The following NXF1 variants were observed in gnomAD, a reference collection of about 807,000 sequenced individuals.
The protein encoded by NXF1 is mRNA export factor TAP.
In NXF1, 43 loss-of-function variants were observed where a neutral mutation model predicts 92.4. The observed-to-expected ratio is 0.47, with a 90% confidence interval of 0.36 to 0.60. The LOEUF (loss-of-function observed/expected upper bound fraction) is 0.60, where lower values mean the gene tolerates loss of function less well. Ranked by LOEUF, NXF1 falls within the 20% of genes least tolerant of loss-of-function variation. The pLI, the probability that NXF1 is intolerant of heterozygous loss-of-function variation, is 0.00. For synonymous variants in NXF1, 288 were observed against 292.2 expected (o/e 0.99, Z 0.15); for missense variants, 576 against 793.0 (o/e 0.73, Z 3.29).
At chr11:62,798,478 C>A in intron 11 of NXF1, 61 bp downstream of exon 11, 1 of 1,582,342 alleles carries the variant, frequency 6.3e-7, no homozygotes, top group Middle Eastern at 1.7e-4. Context: ...AGAAACCTAT[C>A]CAGGAATCCT....
chr11:62,792,547 C>G (rs2084375880), intron 20 of NXF1, 33 bp from the exon 21 acceptor site: 1 of 1,614,182 alleles, frequency 6.2e-7, no homozygotes, highest in South Asian at 1.1e-5. Flanking sequence ...AGAGGTAGGC[C>G]TACCCTCGCC....
At chr11:62,798,440 A>G in intron 11 of NXF1, 99 bp downstream of exon 11, 1 of 1,519,598 alleles carries the variant, frequency 6.6e-7, no homozygotes, top group Non-Finnish European at 8.8e-7. Context: ...CTCAAATAAA[A>G]AAAAAAAAAA....
intron 14 of NXF1, 23 bp downstream of exon 14, chr11:62,796,437 A>C (rs1377180370): frequency 1.2e-6 from 2 of 1,613,136 alleles, no homozygotes; most frequent in Admixed American, 3.3e-5. Flanking sequence ...GGTCCCGGGC[A>C]GATTCTGGGA....
intron 1 of NXF1, 163 bp downstream of exon 1, chr11:62,805,166 G>A (rs2084522159): frequency 1.9e-6 from 1 of 521,924 alleles, no homozygotes; most frequent in East Asian, 3.8e-5. Context: ...GAATCCAGGA[G>A]TCAACAACTC....
chr11:62,803,770 A>G (rs754386535), intron 2 of NXF1, 22 bp downstream of exon 2: 2 of 1,608,578 alleles, frequency 1.2e-6, no homozygotes, highest in Non-Finnish European at 1.7e-6. Context: ...CTAAATTCAA[A>G]CCAGACCAAC....
At chr11:62,797,146 A>G (rs748523339) in intron 13 of NXF1, 37 bp downstream of exon 13, 3 of 1,583,796 alleles carry the variant, frequency 1.9e-6, no homozygotes, top group Admixed American at 3.3e-5. Flanking sequence ...TTCCCCCTCA[A>G]CCTCGGGGTG....
At position 62,797,298 on chromosome 11, in the gene NXF1, A is replaced by G. The variant is rs760732496; in HGVS notation, c.1122+20T>C. 1.2e-6 allele frequency: 2 copies of G among 1,614,006 alleles called. No individual in the cohort carries two copies. Among genetic ancestry groups the G allele is most frequent in the South Asian group, 2.2e-5 (2 of 91,074 alleles). On this transcript the variant is annotated intron_variant, in intron 12 of 20. Coordinates refer to ENST00000294172, the MANE Select transcript of NXF1 (RefSeq NM_006362.5). ...GTATTCTCTCCACACACAAGTTCTTACTCTGTCCATGCTTCCTACCTTGCA... is the reference window on the plus strand; with the variant it reads ...GTATTCTCTCCACACACAAGTTCTTGCTCTGTCCATGCTTCCTACCTTGCA...
rs758797454 is a variant in NXF1 at position 62,803,973 on chromosome 11, C to T, written c.34G>A (p.Asp12Asn). ...ADEGKSYSEH[D>N]DERVNFPQRK... ...TGAGGGAAATTAACGCGTTCATCAT[C>T]GTGTTCTAGAGTTAGAAACAGGAAC... The change falls in exon 2 of 21, where the codon GAT (aspartate) becomes AAT (asparagine). Residue 12 changes from aspartate to asparagine, a missense_variant. Physicochemically the swap from Asp to Asn is conservative, Grantham distance 23 (BLOSUM62 1). This residue lies in a region of NXF1 where 151 missense variants were observed against 157.8 expected (regional missense o/e 0.96). Transcript: ENST00000294172. The T allele has an allele frequency of 2.5e-6, 4 of 1,613,332 alleles. No homozygotes were observed. Among genetic ancestry groups the T allele is most frequent in the Non-Finnish European group, 2.5e-6 (3 of 1,179,864 alleles).
At chr11:62,793,819 TAAAAAAA>T (rs56389050) in intron 19 of NXF1, among the ~76,000 whole-genome samples, 1 of 86,510 alleles carries the variant, frequency 1.2e-5, no homozygotes. Context: ...CCGTCTCTAC[TAAAAAAA>T]AAAAAAAAAA....
Position 62,803,677 on chromosome 11 carries a change from A to G in NXF1, c.216-105T>C, listed in dbSNP as rs972296255. The G allele has an allele frequency of 9.7e-6, 15 of 1,545,330 alleles. No individual in the cohort carries two copies. In the African/African-American group the frequency reaches 1.6e-4, roughly 17 times the overall value. ...TACAACTAAGACTGTTTAATCACTAAGCTAGTCCTGGCATTTCTCACTCTA... is the reference window on the plus strand; with the variant it reads ...TACAACTAAGACTGTTTAATCACTAGGCTAGTCCTGGCATTTCTCACTCTA... On this transcript the variant is annotated intron_variant, in intron 2 of 20. Coordinates refer to ENST00000294172, the MANE Select transcript of NXF1 (RefSeq NM_006362.5).
chr11:62,799,520 C>T (rs989534268), intron 10 of NXF1: 5 of 985,836 alleles, frequency 5.1e-6, no homozygotes, highest in Non-Finnish European at 6.0e-6. Flanking sequence ...GGCCCCTCTG[C>T]GACTGTGCCT....
Position 62,797,078 on chromosome 11 carries a change from AAAAAACAAAAC to A in NXF1, c.1178+94_1178+104del, listed in dbSNP as rs971239118. The stretch of plus-strand genomic sequence containing the variant: ...GTGAGACACTGTCCAAAAAAAAAAA[AAAAAACAAAAC>A]AAAAAACAAAACAAAAAGATTGATG... On this transcript the variant is annotated intron_variant, in intron 13 of 20. Coordinates refer to ENST00000294172, the MANE Select transcript of NXF1 (RefSeq NM_006362.5). The A allele has an allele frequency of 5.5e-6, 6 of 1,094,720 alleles. No homozygotes were observed. The African/African-American group carries it at 8.1e-5, about 15-fold the overall frequency. 67.8% of individuals were successfully genotyped at this position (1,094,720 alleles called of 1,614,324 possible).
chr11:62,800,047 C>A, intron 10 of NXF1: 1 of 1,145,892 alleles, frequency 8.7e-7, no homozygotes, highest in Non-Finnish European at 1.1e-6. Context: ...AGGGTATGTA[C>A]AAGATACCCT....
At position 62,801,647 on chromosome 11, in the gene NXF1, G is replaced by C; in HGVS notation, c.640-16C>G. 2 of 1,614,010 alleles carry C rather than the reference G, an allele frequency of 1.2e-6. No homozygotes were observed. The highest frequency in any genetic ancestry group is 1.7e-6 in the Non-Finnish European group (2 of 1,179,938). The stretch of plus-strand genomic sequence containing the variant: ...TCATGATCAGCTAGAGGAAAAAGAA[G>C]GGTTTAGTGGTCACTGGGTTTGTGT... On this transcript the variant is annotated splice_polypyrimidine_tract_variant and intron_variant, in intron 6 of 20. Transcript: ENST00000294172.
Position 62,798,759 on chromosome 11 carries a change from C to T in NXF1, c.1017-184G>A, listed in dbSNP as rs554861270. ...CCCCACCTGACCCGGGGCACCCAGA[C>T]ATGGACTGCCTTGAAGGCTGTCTCT... On this transcript the variant is annotated intron_variant, in intron 10 of 20. Transcript: ENST00000294172. 10 of 1,419,016 alleles carry T rather than the reference C, an allele frequency of 7.0e-6. No homozygotes were observed. The African/African-American group carries it at 1.3e-4, about 18-fold the overall frequency. The allele number at this position is 1,419,016 out of a possible 1,614,324, so 87.9% of individuals were successfully genotyped here.
intron 13 of NXF1, 113 bp downstream of exon 13, chr11:62,797,066 CAAAA>C (rs1160921166): frequency 4.0e-4 from 246 of 615,368 alleles, no homozygotes; most frequent in Middle Eastern, 9.1e-4. Context: ...AGACACTGTC[CAAAA>C]AAAAAAAAAA....
At chr11:62,800,058 C>T in intron 10 of NXF1, 2 of 1,182,912 alleles carry the variant, frequency 1.7e-6, no homozygotes, top group Non-Finnish European at 2.1e-6. Context: ...AAGATACCCT[C>T]TGGTTAGAGT....
intron 1 of NXF1, 112 bp from the exon 2 acceptor site, chr11:62,804,090 G>C: frequency 5.0e-6 from 8 of 1,589,962 alleles, no homozygotes; most frequent in Non-Finnish European, 6.8e-6. Context: ...ACTAACGACA[G>C]AGGCCATCTC....
chr11:62,798,532 G>A lies in NXF1; in HGVS notation c.1053+7C>T. On this transcript the variant is annotated splice_region_variant and intron_variant, in intron 11 of 20. Coordinates refer to ENST00000294172, the MANE Select transcript of NXF1 (RefSeq NM_006362.5). ...TGCTTGTTAGAATGAAAAAATTATGGACTTACCAGGCGTAGTAACTTGGGA... is the reference window on the plus strand; with the variant it reads ...TGCTTGTTAGAATGAAAAAATTATGAACTTACCAGGCGTAGTAACTTGGGA... 1.2e-6 allele frequency: 2 copies of A among 1,614,038 alleles called. No individual in the cohort carries two copies. Among genetic ancestry groups the A allele is most frequent in the Non-Finnish European group, 1.7e-6 (2 of 1,179,968 alleles).
Sources: allele counts gnomAD v4.1 joint callset (sites outside exome capture counted in the v4.1 genomes callset), GRCh38; gene constraint gnomAD v4.1.1; regional missense constraint gnomAD v4.1.1; transcripts MANE v1.5; gene names NCBI Gene and HGNC (gene_info 2026-07-23, HGNC 2026-07-21).